THSD4: variants seen among roughly 807,000 people sequenced by gnomAD.
THSD4 encodes thrombospondin type-1 domain-containing protein 4.
A neutral mutation model predicts 119.0 loss-of-function variants in THSD4; 69 were observed. That is an observed-to-expected ratio of 0.58 (90% confidence interval 0.48 to 0.71). The LOEUF is 0.71. Among genes scored for constraint, THSD4 ranks in the 30% least tolerant of loss-of-function variants. THSD4 has a pLI of 0.00. For missense variants in THSD4, 1,393 were observed against 1,391.1 expected, an observed-to-expected ratio of 1.00 and a Z score of -0.02; for synonymous variants, 524 against 540.4, an observed-to-expected ratio of 0.97 and a Z score of 0.42.
chr15:71,203,630 T>C (rs1489708491), intron 3 of THSD4, among the ~76,000 whole-genome samples: 1 of 152,144 alleles, frequency 6.6e-6, no homozygotes, highest in African/African-American at 2.4e-5. Flanking sequence ...TGTGCTACAG[T>C]GCTCCAGCCT....
chr15:71,184,551 C>A (rs967217064), intron 3 of THSD4, among the ~76,000 whole-genome samples: 9 of 151,794 alleles, frequency 5.9e-5, no homozygotes, highest in Non-Finnish European at 1.3e-4. Flanking sequence ...ATATTTTTGT[C>A]TCAATTTCAT....
At chr15:71,113,563 G>A (rs1342303924), upstream of THSD4, 1 of 152,232 alleles carries the variant, frequency 6.6e-6, no homozygotes, top group Non-Finnish European at 1.5e-5. Flanking sequence ...CAGCTCTGCA[G>A]AGCATCTCAG....
intron 7 of THSD4, among the ~76,000 whole-genome samples, chr15:71,601,858 T>C (rs996434122): frequency 6.6e-6 from 1 of 152,236 alleles, no homozygotes; most frequent in African/African-American, 2.4e-5. Flanking sequence ...CAAAGCAGTA[T>C]CTAGAATAAA....
Position 71,700,857 on chromosome 15 carries a change from T to G in THSD4, c.1358-27692T>G, listed in dbSNP as rs188151681. Among the ~76,000 whole-genome samples, 7 of 152,150 alleles carry G rather than the reference T, an allele frequency of 4.6e-5. No individual in the cohort carries two copies. In the East Asian group the frequency reaches 9.6e-4, roughly 21 times the overall value. On this transcript the variant is annotated intron_variant, in intron 8 of 17. Coordinates refer to ENST00000261862, the MANE Select transcript of THSD4 (RefSeq NM_024817.3). The stretch of plus-strand genomic sequence containing the variant: ...TTATTAAAAAATAATGTTAGATCTC[T>G]GTGTCACAGTATATACCAAGATAAA...
At chr15:71,670,141 T>C (rs1197194889) in intron 8 of THSD4, among the ~76,000 whole-genome samples, 1 of 152,150 alleles carries the variant, frequency 6.6e-6, no homozygotes, top group Non-Finnish European at 1.5e-5. Flanking sequence ...TGCAGGTTTG[T>C]TACATATGTA....
rs761086359 is a variant in THSD4 at position 71,660,556 on chromosome 15, C to G, written c.1179C>G (p.Gly393=). The G allele has an allele frequency of 6.2e-7, 1 of 1,614,142 alleles. No homozygotes were observed. Among genetic ancestry groups the G allele is most frequent in the Admixed American group, 1.7e-5 (1 of 60,026 alleles). The change falls in exon 8 of 18, where the codon GGC becomes GGG. Residue 393 remains glycine (G), a synonymous_variant. Coordinates refer to ENST00000261862, the MANE Select transcript of THSD4 (RefSeq NM_024817.3). ...CKSIGCDDYL[G]SDKVVDKCGV... is the part of the protein sequence containing the mutation. ...GCATTGGCTGTGATGACTACTTAGG[C>G]TCCGACAAAGTCGTGGACAAATGTG...
chr15:71,111,350 G>T (rs777729909), upstream of THSD4: 1 of 1,613,868 alleles, frequency 6.2e-7, no homozygotes. Flanking sequence ...GCCCAGTTGT[G>T]GGTTACAGGT....
At chr15:71,572,517 G>T (rs1448824631) in intron 7 of THSD4, among the ~76,000 whole-genome samples, 1 of 152,136 alleles carries the variant, frequency 6.6e-6, no homozygotes, top group Non-Finnish European at 1.5e-5. Flanking sequence ...CTGGCTCTAG[G>T]GTAAAGAAAG....
intron 7 of THSD4, among the ~76,000 whole-genome samples, chr15:71,544,382 G>T (rs937571355): frequency 3.3e-5 from 5 of 152,190 alleles, no homozygotes; most frequent in Admixed American, 1.3e-4. Flanking sequence ...ACGAATGTTG[G>T]CTGATTAGAG....
At chr15:71,111,013 T>C, upstream of THSD4, 1 of 913,108 alleles carries the variant, frequency 1.1e-6, no homozygotes, top group South Asian at 1.8e-5. Context: ...TCTGTCTGCA[T>C]GTCCTAAGGA....
chr15:71,426,126 CTG>C (rs1486050432), intron 7 of THSD4, among the ~76,000 whole-genome samples: 1 of 152,254 alleles, frequency 6.6e-6, no homozygotes, highest in East Asian at 1.9e-4. Flanking sequence ...CATCGCCCCA[CTG>C]TAGGGCGTTT....
chr15:71,199,843 CTGT>C, intron 3 of THSD4, among the ~76,000 whole-genome samples: 1 of 81,126 alleles, frequency 1.2e-5, no homozygotes, highest in Middle Eastern at 0.01. Context: ...TGTGTGTGTG[CTGT>C]GTGTGATGCA....
intron 2 of THSD4, among the ~76,000 whole-genome samples, chr15:71,152,429 A>T (rs920743456): frequency 4.2e-4 from 64 of 152,156 alleles, no homozygotes; most frequent in Non-Finnish European, 7.1e-4. Context: ...CTCCAAAAAA[A>T]AAAAAATAAA....
chr15:71,430,622 TG>T, intron 7 of THSD4, among the ~76,000 whole-genome samples: 1 of 151,882 alleles, frequency 6.6e-6, no homozygotes, highest in South Asian at 2.1e-4. Flanking sequence ...CTGGGCGTGG[TG>T]GTGCCCGCCT....
chr15:71,440,230 T>C (rs1024767969), intron 7 of THSD4, among the ~76,000 whole-genome samples: 1 of 152,152 alleles, frequency 6.6e-6, no homozygotes, highest in African/African-American at 2.4e-5. Flanking sequence ...CAAATACTAA[T>C]CTCATTTCCT....
intron 7 of THSD4, among the ~76,000 whole-genome samples, chr15:71,469,879 A>G (rs756723101): frequency 6.6e-6 from 1 of 152,230 alleles, no homozygotes; most frequent in Non-Finnish European, 1.5e-5. Flanking sequence ...CATTGAGCCA[A>G]TCTAGTGGGA....
intron 8 of THSD4, among the ~76,000 whole-genome samples, chr15:71,690,785 A>G (rs1185806663): frequency 6.6e-6 from 1 of 152,232 alleles, no homozygotes; most frequent in African/African-American, 2.4e-5. Flanking sequence ...TAAAACCATC[A>G]GATCTTGTGA....
intron 6 of THSD4, 132 bp from the exon 7 acceptor site, chr15:71,411,555 A>T: frequency 1.0e-6 from 1 of 995,462 alleles, no homozygotes; most frequent in African/African-American, 1.6e-5. Context: ...ATAGTTGGTT[A>T]AAATGCTTAA....
At chr15:71,133,263 G>A (rs193162719) in intron 1 of THSD4, among the ~76,000 whole-genome samples, 1 of 152,262 alleles carries the variant, frequency 6.6e-6, no homozygotes, top group East Asian at 1.9e-4. Context: ...GGAGTAGGGT[G>A]GAGAATGTCA....
Sources: allele counts gnomAD v4.1 joint callset (sites outside exome capture counted in the v4.1 genomes callset), GRCh38; gene constraint gnomAD v4.1.1; transcripts MANE v1.5; gene names NCBI Gene and HGNC (gene_info 2026-07-23, HGNC 2026-07-21).